Variants in TTC27 observed in about 807,000 individuals in gnomAD.
The protein encoded by TTC27 is tetratricopeptide repeat domain 27, also known as tetratricopeptide repeat protein 27.
In TTC27, 79 loss-of-function variants were observed where a neutral mutation model predicts 115.9. That is an observed-to-expected ratio of 0.68 (90% confidence interval 0.57 to 0.82). The LOEUF (loss-of-function observed/expected upper bound fraction) is 0.82, where lower values mean the gene tolerates loss of function less well. Among genes scored for constraint, TTC27 ranks in the 40% least tolerant of loss-of-function variants. The pLI, the probability that TTC27 is intolerant of heterozygous loss-of-function variation, is 0.00. For missense variants in TTC27, 1,054 were observed against 993.1 expected (o/e 1.06, Z -0.82); for synonymous variants, 401 against 356.0 (o/e 1.13, Z -1.42).
intron 16 of TTC27, among the ~76,000 whole-genome samples, chr2:32,794,371 A>T (rs192557766): frequency 8.5e-5 from 13 of 152,338 alleles, no homozygotes; most frequent in Non-Finnish European, 1.6e-4. Flanking sequence ...AAGAAATCAC[A>T]AGAGAAATTA....
rs1664303775 is a variant in TTC27, at chr2:32,633,724, T to G, written c.267-152T>G. The G allele has an allele frequency of 1.6e-5, 15 of 910,132 alleles. No individual in the cohort carries two copies. In the South Asian group the frequency reaches 3.8e-4, roughly 23 times the overall value. 56.4% of individuals were successfully genotyped at this position (910,132 alleles called of 1,614,324 possible). A position where few individuals can be genotyped will look rare whatever the true frequency, so the allele number is the denominator to read the frequency against. On this transcript the variant is annotated intron_variant, in intron 2 of 19. Coordinates refer to ENST00000317907, the MANE Select transcript of TTC27 (RefSeq NM_017735.5). ...TAGCTAACCTAAATTGTTTTAAGTT[T>G]TAGAAATTTTTTTTTTTGGTAATAC...
chr2:32,820,957 C>A lies in TTC27; in HGVS notation c.*19C>A. The A allele has an allele frequency of 1.6e-6, 2 of 1,243,108 alleles. No individual in the cohort carries two copies. The highest frequency in any genetic ancestry group is 2.1e-6 in the Non-Finnish European group (2 of 952,954). 77.0% of individuals were successfully genotyped at this position (1,243,108 alleles called of 1,614,324 possible). ...GTATTGATTCTGCTGGAAGCAGATT[C>A]TGGAAAAGGTGCTTTCACCTGCTGG... On this transcript the variant is annotated 3_prime_UTR_variant, in exon 20 of 20. Transcript: ENST00000317907.
At chr2:32,698,292 G>A (rs1262244992) in intron 9 of TTC27, among the ~76,000 whole-genome samples, 2 of 151,706 alleles carry the variant, frequency 1.3e-5, no homozygotes, top group Non-Finnish European at 2.9e-5. Context: ...ACCACACCCA[G>A]CAAATTTGAT....
chr2:32,683,555 A>G (rs1304745902), intron 9 of TTC27, among the ~76,000 whole-genome samples: 1 of 152,200 alleles, frequency 6.6e-6, no homozygotes, highest in Non-Finnish European at 1.5e-5. Flanking sequence ...TTAATTTAGC[A>G]AAGTCAGAAA....
chr2:32,768,465 C>T (rs1370749902), intron 13 of TTC27, among the ~76,000 whole-genome samples: 1 of 152,178 alleles, frequency 6.6e-6, no homozygotes, highest in Admixed American at 6.5e-5. Flanking sequence ...TAAGCATTAT[C>T]AAGTACTTGT....
chr2:32,789,627 A>G (rs1413828813), intron 16 of TTC27, among the ~76,000 whole-genome samples: 3 of 152,058 alleles, frequency 2.0e-5, no homozygotes, highest in African/African-American at 7.2e-5. Context: ...TTGCTTAGAA[A>G]TCTTTCAGCC....
At chr2:32,707,903 AGGGAAAATGAT>A (rs1425850939) in intron 10 of TTC27, among the ~76,000 whole-genome samples, 1 of 152,094 alleles carries the variant, frequency 6.6e-6, no homozygotes, top group African/African-American at 2.4e-5. Context: ...CAGCTGGGGC[AGGGAAAATGAT>A]GAGCCTGGAA....
In TTC27 at chr2:32,656,945, A is replaced by G. The variant is rs114060371; in HGVS notation, c.640+6712A>G. Among the ~76,000 whole-genome samples the G allele has an allele frequency of 3.2e-3, 493 of 152,072 alleles. 5 individuals carry two copies. The highest frequency in any genetic ancestry group is 0.011 in the African/African-American group (472 of 41,480). On this transcript the variant is annotated intron_variant, in intron 5 of 19. Coordinates refer to ENST00000317907, the MANE Select transcript of TTC27 (RefSeq NM_017735.5). ...TCCTACCCTACCCCATTTTTAGGGA[A>G]GAATAGGACTTAAACCTTGCAGTAA...
At chr2:32,703,005 A>G in intron 10 of TTC27, 85 bp downstream of exon 10, 1 of 906,348 alleles carries the variant, frequency 1.1e-6, no homozygotes, top group Non-Finnish European at 1.8e-6. Context: ...GAATGAAGGA[A>G]TGAAATGGCT....
In TTC27 at chr2:32,628,188, C is replaced by A; in HGVS notation, c.-105C>A. On this transcript the variant is annotated 5_prime_UTR_variant, in exon 1 of 20. Transcript: ENST00000317907. ...GCAGGTGTATTTACGGTAACTGTCG[C>A]CACTAGATTTCAGCGCCTTTGGACT... 3 of 1,040,242 alleles carry A rather than the reference C, an allele frequency of 2.9e-6. No homozygotes were observed. Among genetic ancestry groups the A allele is most frequent in the Non-Finnish European group, 4.3e-6 (3 of 692,318 alleles). 64.4% of individuals were successfully genotyped at this position (1,040,242 alleles called of 1,614,324 possible).
chr2:32,702,026 C>A (rs200012749), intron 9 of TTC27, among the ~76,000 whole-genome samples: 105 of 145,280 alleles, frequency 7.2e-4, no homozygotes, highest in Middle Eastern at 3.7e-3. Flanking sequence ...AAAAAAAAAA[C>A]AAAAACAAAA....
chr2:32,753,740 T>C (rs1669102026), intron 12 of TTC27, among the ~76,000 whole-genome samples: 1 of 151,958 alleles, frequency 6.6e-6, no homozygotes, highest in Non-Finnish European at 1.5e-5. Flanking sequence ...AGCCACCGTG[T>C]GGAGCCCAAA....
intron 10 of TTC27, among the ~76,000 whole-genome samples, chr2:32,725,246 A>AACTC (rs1668069333): frequency 1.3e-5 from 2 of 152,272 alleles, no homozygotes; most frequent in South Asian, 4.1e-4. Context: ...CCAAAGTCTT[A>AACTC]ACTCATTTCA....
chr2:32,731,904 C>T (rs988029008), intron 10 of TTC27, among the ~76,000 whole-genome samples: 14 of 152,052 alleles, frequency 9.2e-5, no homozygotes, highest in African/African-American at 3.1e-4. Flanking sequence ...TTACTGAGTA[C>T]CTAATATGCT....
At chr2:32,706,920 G>C (rs979631269) in intron 10 of TTC27, among the ~76,000 whole-genome samples, 2 of 152,156 alleles carry the variant, frequency 1.3e-5, no homozygotes, top group Admixed American at 6.6e-5. Context: ...ATGACTTCCT[G>C]TCCTCTTTTG....
intron 9 of TTC27, among the ~76,000 whole-genome samples, chr2:32,684,207 G>C (rs562464681): frequency 1.5e-3 from 231 of 152,194 alleles, no homozygotes; most frequent in African/African-American, 4.6e-3. Flanking sequence ...AGTTTACTGA[G>C]AATGATGATT....
intron 14 of TTC27, among the ~76,000 whole-genome samples, chr2:32,781,366 T>A (rs868235541): frequency 6.6e-6 from 1 of 152,224 alleles, no homozygotes; most frequent in South Asian, 2.1e-4. Context: ...CTGTTTCTTA[T>A]TAACTGATAT....
chr2:32,759,390 A>G (rs1281135708), intron 13 of TTC27, among the ~76,000 whole-genome samples: 1 of 152,184 alleles, frequency 6.6e-6, no homozygotes, highest in Non-Finnish European at 1.5e-5. Context: ...GTCTGATTCC[A>G]GAGCCTACAC....
At chr2:32,777,672 T>G (rs1022719) in intron 13 of TTC27, among the ~76,000 whole-genome samples, 71,677 of 152,032 alleles carry the variant, frequency 0.47, 17,639 homozygotes, top group Middle Eastern at 0.61. Flanking sequence ...AATATTGCAC[T>G]TTTTCAGTGT....
Sources: allele counts gnomAD v4.1 joint callset (sites outside exome capture counted in the v4.1 genomes callset), GRCh38; gene constraint gnomAD v4.1.1; transcripts MANE v1.5; gene names NCBI Gene and HGNC (gene_info 2026-07-23, HGNC 2026-07-21).